Variants in NCOR1 observed in about 807,000 individuals in gnomAD.
NCOR1 encodes the protein nuclear receptor corepressor 1.
In NCOR1, 63 loss-of-function variants were observed where a neutral mutation model predicts 288.1. That is an observed-to-expected ratio of 0.22 (90% CI 0.18 to 0.27). The LOEUF (loss-of-function observed/expected upper bound fraction) is 0.27. Among genes scored for constraint, NCOR1 ranks in the 10% least tolerant of loss-of-function variants. The probability of loss-of-function intolerance (pLI) is 1.00; values close to 1 mark genes in which losing one functional copy is unlikely to be tolerated. For missense variants in NCOR1, 2,397 were observed against 3,019.2 expected, an observed-to-expected ratio of 0.79 and a Z score of 4.83; for synonymous variants, 1,007 against 1,065.9, an observed-to-expected ratio of 0.94 and a Z score of 1.08.
At chr17:16,110,897 GAC>G (rs2069974409) in intron 18 of NCOR1, among the ~76,000 whole-genome samples, 1 of 152,212 alleles carries the variant, frequency 6.6e-6, no homozygotes, top group African/African-American at 2.4e-5. Context: ...GAATCCCAGA[GAC>G]ACACTGGCTA....
chr17:16,070,438 A>G lies in NCOR1; in HGVS notation c.4240T>C (p.Ser1414Pro), dbSNP rs774409058. ...ATTTCCAGCGGAGGCATTCCACGGG[A>G]TAGTTTGCTAGGCCCCGTGATTAAG... is the stretch of plus-strand genomic sequence containing the variant. ...KSLITGPSKL[S>P]RGMPPLEIVP... Residue 1414 changes from serine (S) to proline (P), a missense_variant, in exon 31 of 46, where the codon TCC becomes CCC. By Grantham distance (74) the Ser-to-Pro change is moderately conservative. Transcript: ENST00000268712. 4.3e-5 allele frequency: 69 copies of G among 1,614,054 alleles called. No individual in the cohort carries two copies. The highest frequency in any genetic ancestry group is 5.8e-5 in the Non-Finnish European group (68 of 1,180,036).
Position 16,057,529 on chromosome 17 carries a change from T to C in NCOR1, c.6377A>G (p.Asp2126Gly). 6.2e-7 allele frequency: 1 copy of C among 1,614,068 alleles called. No homozygotes were observed. The highest frequency in any genetic ancestry group is 8.5e-7 in the Non-Finnish European group (1 of 1,179,900). Residue 2126 changes from aspartate to glycine, a missense_variant, in exon 40 of 46, where the codon GAC becomes GGC. By Grantham distance (94) the Asp-to-Gly change is moderately conservative. Transcript: ENST00000268712. ...GSRVSPENLV[D>G]KSRGSRPGKS... ...AAGATCATACCTTCCCCTGGATTTG[T>C]CCACAAGATTTTCTGGAGAGACCCT...
chr17:16,207,172 T>C (rs1007278856), intron 1 of NCOR1, among the ~76,000 whole-genome samples: 2 of 152,168 alleles, frequency 1.3e-5, no homozygotes, highest in African/African-American at 2.4e-5. Flanking sequence ...AATTTAAAAA[T>C]CTTAAAAGTA....
chr17:16,115,443 C>T (rs567060319), intron 18 of NCOR1, among the ~76,000 whole-genome samples: 9 of 152,318 alleles, frequency 5.9e-5, no homozygotes, highest in Middle Eastern at 3.4e-3. Context: ...TTTTCTATCA[C>T]GTTGTTAGGC....
chr17:16,192,270 T>C (rs1005572303), intron 2 of NCOR1: 4 of 151,068 alleles, frequency 2.6e-5, no homozygotes, highest in African/African-American at 9.7e-5. Context: ...GCCCCACACT[T>C]TGGGACGCCG....
intron 26 of NCOR1, among the ~76,000 whole-genome samples, chr17:16,077,575 A>AGGGGAG (rs1351938433): frequency 1.2e-4 from 1 of 8,106 alleles, no homozygotes. Flanking sequence ...GAGAGGGGGG[A>AGGGGAG]GGGGAGGGGG....
At chr17:16,092,645 ATT>A (rs1278701151) in intron 21 of NCOR1, among the ~76,000 whole-genome samples, 6 of 55,476 alleles carry the variant, frequency 1.1e-4, no homozygotes, top group African/African-American at 5.0e-4. Context: ...GATCAGATCC[ATT>A]TATATATATA....
intron 15 of NCOR1, 71 bp from the exon 16 acceptor site, chr17:16,121,340 G>A: frequency 2.4e-6 from 3 of 1,228,810 alleles, no homozygotes; most frequent in Non-Finnish European, 3.3e-6. Flanking sequence ...TTTTAGTTTT[G>A]AATATTATCT....
intron 29 of NCOR1, 141 bp downstream of exon 29, chr17:16,072,004 G>T: frequency 1.6e-6 from 1 of 642,894 alleles, no homozygotes. Context: ...GTAGCTCAGA[G>T]GCAGAAAAGT....
chr17:16,105,038 A>G (rs1289914563), intron 19 of NCOR1, among the ~76,000 whole-genome samples: 1 of 152,194 alleles, frequency 6.6e-6, no homozygotes, highest in African/African-American at 2.4e-5. Flanking sequence ...GAGGGGGCCA[A>G]CAAAAAAGCA....
At chr17:16,074,417 CAG>C (rs1265983868) in intron 27 of NCOR1, among the ~76,000 whole-genome samples, 3 of 152,082 alleles carry the variant, frequency 2.0e-5, no homozygotes, top group Admixed American at 6.6e-5. Flanking sequence ...GGAAAATAAA[CAG>C]AAATGGCTTA....
At chr17:16,198,871 T>C (rs2090327511) in intron 1 of NCOR1, among the ~76,000 whole-genome samples, 1 of 151,944 alleles carries the variant, frequency 6.6e-6, no homozygotes, top group Admixed American at 6.6e-5. Flanking sequence ...CCCAAATAAA[T>C]AAAGCTATAA....
intron 14 of NCOR1, among the ~76,000 whole-genome samples, chr17:16,127,183 CTGTATGTATATATACATGTATGT>C (rs2074265235): frequency 4.0e-5 from 5 of 125,646 alleles, no homozygotes; most frequent in African/African-American, 1.6e-4. Context: ...ATGTATATAT[CTGTATGTATATATACATGTATGT>C]ATATATCTGT....
chr17:16,116,267 A>C (rs1245459429), intron 18 of NCOR1, among the ~76,000 whole-genome samples: 1 of 152,226 alleles, frequency 6.6e-6, no homozygotes, highest in Non-Finnish European at 1.5e-5. Flanking sequence ...GGGTGGCAAC[A>C]AAGCCAAACC....
chr17:16,202,110 G>C (rs1189302248), intron 1 of NCOR1, among the ~76,000 whole-genome samples: 1 of 151,764 alleles, frequency 6.6e-6, no homozygotes, highest in South Asian at 2.1e-4. Context: ...TGTAATCCCA[G>C]CTACTTGGGA....
intron 1 of NCOR1, among the ~76,000 whole-genome samples, chr17:16,205,937 C>CAAAAA (rs199837579): frequency 3.0e-5 from 2 of 67,766 alleles, no homozygotes; most frequent in Admixed American, 1.8e-4. Context: ...TACTCCGTCT[C>CAAAAA]AAAAAAAAAA....
In NCOR1 at chr17:16,127,293, G is replaced by GTATGTATGTATATATACATGTATGTATA. The variant is rs755106945; in HGVS notation, c.1510-1115_1510-1088dup. Among the ~76,000 whole-genome samples, 88 of 61,376 alleles carry GTATGTATGTATATATACATGTATGTATA rather than the reference G, an allele frequency of 1.4e-3. 1 individual carries two copies. The highest frequency in any genetic ancestry group is 1.7e-3 in the Non-Finnish European group (49 of 28,460). The allele number at this position is 61,376 out of a possible 152,430, so 40.3% of individuals were successfully genotyped here. A position where few individuals can be genotyped will look rare whatever the true frequency, so the allele number is the denominator to read the frequency against. ...TGTATGTATATATACGTGTATATAT[G>GTATGTATGTATATATACATGTATGTATA]TATGTATGTATATATACATGTATGT... On this transcript the variant is annotated intron_variant, in intron 14 of 45. Coordinates refer to ENST00000268712, the MANE Select transcript of NCOR1 (RefSeq NM_006311.4).
chr17:16,099,120 C>T (rs893990606), intron 20 of NCOR1, among the ~76,000 whole-genome samples: 1 of 152,224 alleles, frequency 6.6e-6, no homozygotes, highest in African/African-American at 2.4e-5. Flanking sequence ...CACTCCCCAA[C>T]AGCAGCGACC....
At chr17:16,047,161 A>G in intron 41 of NCOR1, 68 bp from the exon 42 acceptor site, 1 of 1,477,178 alleles carries the variant, frequency 6.8e-7, no homozygotes. Context: ...CCTATCAATG[A>G]TAACAACAGT....
Sources: gnomAD v4.1 joint callset for allele counts (sites outside exome capture counted in the v4.1 genomes callset) on GRCh38, gnomAD v4.1.1 for gene constraint, MANE v1.5 for transcripts, NCBI Gene and HGNC (gene_info 2026-07-23, HGNC 2026-07-21) for gene names.